The following PDE4D variants were observed in gnomAD, a reference collection of about 807,000 sequenced individuals.
The protein encoded by PDE4D is 3',5'-cyclic-AMP phosphodiesterase 4D.
PDE4D carries 24 observed loss-of-function variants against 87.4 expected under a neutral mutation model. The observed-to-expected ratio is 0.27, with a 90% confidence interval of 0.20 to 0.39. The LOEUF (loss-of-function observed/expected upper bound fraction) is 0.39, where lower values mean the gene tolerates loss of function less well. Ranked by LOEUF, PDE4D falls within the 10% of genes least tolerant of loss-of-function variation. PDE4D has a pLI of 1.00. For missense variants in PDE4D, 714 were observed against 1,041.0 expected (o/e 0.69, Z 4.32); for synonymous variants, 384 against 383.2 (o/e 1.00, Z -0.02).
intron 1 of PDE4D, among the ~76,000 whole-genome samples, chr5:59,232,445 A>T (rs11954668): frequency 0.33 from 49,176 of 151,202 alleles, 8,609 homozygotes; most frequent in Admixed American, 0.41. Context: ...ATTACTAATC[A>T]TCAGGGAACT....
At chr5:59,053,637 T>TG (rs1761874839) in intron 5 of PDE4D, among the ~76,000 whole-genome samples, 1 of 108,262 alleles carries the variant, frequency 9.2e-6, no homozygotes, top group Non-Finnish European at 1.8e-5. Context: ...TAAGTTGTTT[T>TG]GTTTTTTGTT....
At chr5:60,213,101 TCCCTTCTTCCAGAG>T in intron 1 of PDE4D, among the ~76,000 whole-genome samples, 1 of 152,178 alleles carries the variant, frequency 6.6e-6, no homozygotes, top group Non-Finnish European at 1.5e-5. Context: ...CATTAATTTC[TCCCTTCTTCCAGAG>T]AGCTCACCTG....
intron 1 of PDE4D, among the ~76,000 whole-genome samples, chr5:59,335,736 T>C (rs917726478): frequency 2.0e-5 from 3 of 152,186 alleles, no homozygotes; most frequent in African/African-American, 7.2e-5. Context: ...ACTAAAAAGC[T>C]AGATGGCAGC....
At chr5:60,253,441 C>A (rs1413497794) in intron 1 of PDE4D, among the ~76,000 whole-genome samples, 1 of 151,816 alleles carries the variant, frequency 6.6e-6, no homozygotes, top group African/African-American at 2.4e-5. Flanking sequence ...GGCCACTTCT[C>A]TTGACTGGCC....
At chr5:59,038,699 A>G (rs1759003429) in intron 6 of PDE4D, among the ~76,000 whole-genome samples, 160 bp downstream of exon 6, 1 of 152,332 alleles carries the variant, frequency 6.6e-6, no homozygotes, top group East Asian at 1.9e-4. Flanking sequence ...GGGGAGGCAA[A>G]GCAAGGAAAC....
At chr5:59,433,365 G>A (rs1796378123) in intron 1 of PDE4D, among the ~76,000 whole-genome samples, 1 of 152,034 alleles carries the variant, frequency 6.6e-6, no homozygotes, top group African/African-American at 2.4e-5. Context: ...GGGATTACCT[G>A]TACTTAAATT....
At chr5:59,659,265 C>A (rs545169651) in intron 1 of PDE4D, among the ~76,000 whole-genome samples, 2 of 152,180 alleles carry the variant, frequency 1.3e-5, no homozygotes, top group African/African-American at 4.8e-5. Context: ...TAAATAGTGT[C>A]TTAATTTTCT....
Position 59,047,278 on chromosome 5 carries a change from A to T in PDE4D, c.809-8307T>A, listed in dbSNP as rs1464870061. Among the ~76,000 whole-genome samples, 2 of 152,346 alleles carry T rather than the reference A, an allele frequency of 1.3e-5. 1 individual carries two copies. The highest frequency in any genetic ancestry group is 4.1e-4 in the South Asian group (2 of 4,824). ...TTTTTAGGGTAGTTAGAAAGAAAAA[A>T]GAATTTCAAGGAATGAACAGGGATT... On this transcript the variant is annotated intron_variant, in intron 5 of 14. Transcript: ENST00000340635.
At chr5:59,657,682 C>T (rs1744591807) in intron 1 of PDE4D, among the ~76,000 whole-genome samples, 1 of 152,090 alleles carries the variant, frequency 6.6e-6, no homozygotes, top group Admixed American at 6.5e-5. Context: ...ATATTTAATT[C>T]TTGCAGAATA....
intron 1 of PDE4D, among the ~76,000 whole-genome samples, chr5:60,248,299 G>C (rs968544459): frequency 3.9e-5 from 6 of 152,038 alleles, no homozygotes; most frequent in Non-Finnish European, 5.9e-5. Flanking sequence ...ATATAAAAGA[G>C]CAGCAAGGAA....
intron 1 of PDE4D, among the ~76,000 whole-genome samples, chr5:60,254,358 G>C (rs1033685574): frequency 2.0e-5 from 3 of 151,886 alleles, no homozygotes; most frequent in Admixed American, 2.0e-4. Context: ...GAAATACGTT[G>C]TTCTGTTCAT....
intron 1 of PDE4D, among the ~76,000 whole-genome samples, chr5:59,688,113 A>G (rs1750229475): frequency 6.6e-6 from 1 of 152,172 alleles, no homozygotes. Context: ...CCCACACAAT[A>G]ATAAAGAGAG....
chr5:60,109,028 A>G (rs1203607256), intron 2 of PDE4D, among the ~76,000 whole-genome samples: 1 of 152,170 alleles, frequency 6.6e-6, no homozygotes, highest in Non-Finnish European at 1.5e-5. Context: ...ATTAAACTAA[A>G]GAGCTTCTGC....
intron 1 of PDE4D, among the ~76,000 whole-genome samples, chr5:59,493,111 TA>T (rs35494444): frequency 1.3e-5 from 2 of 152,176 alleles, no homozygotes; most frequent in African/African-American, 4.8e-5. Flanking sequence ...TTTAAAGGCT[TA>T]AAAAAATTAA....
intron 3 of PDE4D, among the ~76,000 whole-genome samples, chr5:59,946,419 T>TTA (rs1169223445): frequency 6.6e-6 from 1 of 152,176 alleles, no homozygotes; most frequent in Non-Finnish European, 1.5e-5. Flanking sequence ...CTAAAAGAGT[T>TTA]TAATACCCAC....
intron 1 of PDE4D, among the ~76,000 whole-genome samples, chr5:59,261,198 C>T (rs545917833): frequency 5.3e-5 from 8 of 151,916 alleles, no homozygotes; most frequent in African/African-American, 1.9e-4. Context: ...GGCCTTTTAA[C>T]TGAACTACAC....
At chr5:60,393,845 G>A (rs1762712128) in intron 1 of PDE4D, among the ~76,000 whole-genome samples, 1 of 152,160 alleles carries the variant, frequency 6.6e-6, no homozygotes, top group Admixed American at 6.5e-5. Context: ...ATTCTGGTGT[G>A]GAAGAAAATA....
intron 5 of PDE4D, among the ~76,000 whole-genome samples, chr5:59,079,107 G>A (rs145003739): frequency 6.6e-6 from 1 of 152,226 alleles, no homozygotes; most frequent in African/African-American, 2.4e-5. Context: ...TATTCTGTTA[G>A]AGCAGCACAA....
chr5:59,654,559 G>T (rs1744049743), intron 1 of PDE4D, among the ~76,000 whole-genome samples: 1 of 152,172 alleles, frequency 6.6e-6, no homozygotes, highest in Non-Finnish European at 1.5e-5. Context: ...TAGGAAAATT[G>T]TTCTATATTT....
Sources: allele counts gnomAD v4.1 joint callset (sites outside exome capture counted in the v4.1 genomes callset), GRCh38; gene constraint gnomAD v4.1.1; transcripts MANE v1.5; gene names NCBI Gene and HGNC (gene_info 2026-07-23, HGNC 2026-07-21).